The following LGSN variants were observed in gnomAD, a reference collection of about 807,000 sequenced individuals.
LGSN encodes the protein lengsin, lens protein with glutamine synthetase domain, also known as lengsin.
In LGSN, 21 loss-of-function variants were observed where a neutral mutation model predicts 19.5. The observed-to-expected ratio is 1.07, with a 90% CI of 0.76 to 1.55. The LOEUF (loss-of-function observed/expected upper bound fraction) is 1.55, where lower values mean the gene tolerates loss of function less well. Ranked by LOEUF, LGSN falls within the 40% of genes most tolerant of loss-of-function variation. The pLI, the probability that LGSN is intolerant of heterozygous loss-of-function variation, is 0.00. For missense variants in LGSN, 673 were observed against 608.5 expected, an observed-to-expected ratio of 1.11 and a Z score of -1.12; for synonymous variants, 257 against 215.6, an observed-to-expected ratio of 1.19 and a Z score of -1.68.
At chr6:63,397,668 C>G in the LGSN span, among the ~76,000 whole-genome samples, 1 of 152,018 alleles carries the variant, frequency 6.6e-6, no homozygotes, top group Non-Finnish European at 1.5e-5. Context: ...GTAATCCCAG[C>G]ACTTTGGGAG....
At chr6:63,568,937 T>C in the LGSN span, among the ~76,000 whole-genome samples, 1 of 152,292 alleles carries the variant, frequency 6.6e-6, no homozygotes, top group South Asian at 2.1e-4. Flanking sequence ...CTATTACATA[T>C]ATTTGCTAGA....
the LGSN span, among the ~76,000 whole-genome samples, chr6:63,555,129 T>C: frequency 6.6e-6 from 1 of 152,160 alleles, no homozygotes; most frequent in African/African-American, 2.4e-5. Flanking sequence ...TCATTTCTGG[T>C]AATATAAGAA....
At position 63,276,962 on chromosome 6, in the gene LGSN, A is replaced by G. The variant is rs1192016537; in HGVS notation, c.*3059T>C. ...AATGCCTCTTTTTGGGTTGCCTTAA[A>G]GAACAAGAATATACATCAGCACACA... is the stretch of plus-strand genomic sequence containing the variant. On this transcript the variant is annotated 3_prime_UTR_variant, in exon 4 of 4. Transcript: ENST00000370657. 1 of 152,246 alleles carries G rather than the reference A, an allele frequency of 6.6e-6. No homozygotes were observed. Among genetic ancestry groups the G allele is most frequent in the Non-Finnish European group, 1.5e-5 (1 of 68,038 alleles). 9.4% of individuals were successfully genotyped at this position (152,246 alleles called of 1,614,324 possible). A position where few individuals can be genotyped will look rare whatever the true frequency, so the allele number is the denominator to read the frequency against.
chr6:63,465,407 C>T, the LGSN span, among the ~76,000 whole-genome samples: 2 of 152,140 alleles, frequency 1.3e-5, no homozygotes, highest in Non-Finnish European at 2.9e-5. Flanking sequence ...GTCTCGAACT[C>T]CTGACCTCAA....
At chr6:63,321,756 A>T (rs1451566447), upstream of LGSN, among the ~76,000 whole-genome samples, 1 of 152,228 alleles carries the variant, frequency 6.6e-6, no homozygotes, top group African/African-American at 2.4e-5. Flanking sequence ...TAACAAATAG[A>T]TTAGAAAAAT....
At chr6:63,520,367 C>T in the LGSN span, among the ~76,000 whole-genome samples, 1 of 152,142 alleles carries the variant, frequency 6.6e-6, no homozygotes, top group Non-Finnish European at 1.5e-5. Context: ...TGGCTCATGC[C>T]TGTAATCCCA....
At chr6:63,331,576 T>C in the LGSN span, among the ~76,000 whole-genome samples, 449 of 152,170 alleles carry the variant, frequency 3.0e-3, 3 homozygotes, top group African/African-American at 0.01. Context: ...TGCCCAAGAA[T>C]CCACAACGGT....
chr6:63,538,419 C>T, the LGSN span, among the ~76,000 whole-genome samples: 1 of 152,070 alleles, frequency 6.6e-6, no homozygotes, highest in Non-Finnish European at 1.5e-5. Flanking sequence ...TATAAAAGAT[C>T]AATGTTGGAT....
the LGSN span, among the ~76,000 whole-genome samples, chr6:63,407,982 G>A: frequency 6.6e-6 from 1 of 152,046 alleles, no homozygotes; most frequent in Non-Finnish European, 1.5e-5. Context: ...GGGATGTGAA[G>A]GACCTCTTCA....
the LGSN span, among the ~76,000 whole-genome samples, chr6:63,547,187 A>ATTT: frequency 6.0e-5 from 8 of 133,976 alleles, no homozygotes; most frequent in Admixed American, 1.5e-4. Flanking sequence ...GTAGGGGGGA[A>ATTT]TTTTTTTTTT....
the LGSN span, among the ~76,000 whole-genome samples, chr6:63,433,173 G>A: frequency 4.0e-5 from 6 of 151,502 alleles, no homozygotes; most frequent in Non-Finnish European, 8.8e-5. Context: ...AAGTTGGGGG[G>A]GTGGTAAATA....
the LGSN span, among the ~76,000 whole-genome samples, chr6:63,514,299 C>T: frequency 6.6e-6 from 1 of 152,344 alleles, no homozygotes; most frequent in African/African-American, 2.4e-5. Context: ...ACAATCTCGG[C>T]TCACTGCAAC....
the LGSN span, among the ~76,000 whole-genome samples, chr6:63,506,267 G>A: frequency 2.0e-5 from 3 of 151,722 alleles, no homozygotes; most frequent in Non-Finnish European, 4.4e-5. Flanking sequence ...TGTTGTTGTT[G>A]TTGTTGTTGT....
chr6:63,448,272 G>A, the LGSN span, among the ~76,000 whole-genome samples: 1 of 152,126 alleles, frequency 6.6e-6, no homozygotes, highest in African/African-American at 2.4e-5. Flanking sequence ...GGCTCACCAT[G>A]TACAAAAAGG....
At chr6:63,488,924 G>C in the LGSN span, among the ~76,000 whole-genome samples, 1 of 151,662 alleles carries the variant, frequency 6.6e-6, no homozygotes, top group African/African-American at 2.4e-5. Flanking sequence ...ACCAAATAAT[G>C]TTTATCTTAA....
At chr6:63,325,915 T>C in the LGSN span, among the ~76,000 whole-genome samples, 1 of 152,216 alleles carries the variant, frequency 6.6e-6, no homozygotes, top group Non-Finnish European at 1.5e-5. Context: ...GGGTTGCCAC[T>C]GCTGGCTTGG....
At chr6:63,546,763 A>G in the LGSN span, among the ~76,000 whole-genome samples, 1 of 152,178 alleles carries the variant, frequency 6.6e-6, no homozygotes, top group African/African-American at 2.4e-5. Flanking sequence ...CTGGAGATCT[A>G]TTACCCAGCA....
the LGSN span, among the ~76,000 whole-genome samples, chr6:63,338,656 T>C: frequency 3.9e-5 from 6 of 152,276 alleles, no homozygotes; most frequent in South Asian, 1.2e-3. Context: ...CTTCATTTTA[T>C]TGATCCTTTT....
chr6:63,404,389 A>T, the LGSN span, among the ~76,000 whole-genome samples: 3 of 152,236 alleles, frequency 2.0e-5, no homozygotes, highest in Non-Finnish European at 4.4e-5. Context: ...AAAAAAATCC[A>T]GAACTAATAT....
Sources: allele counts gnomAD v4.1 joint callset (sites outside exome capture counted in the v4.1 genomes callset), GRCh38; gene constraint gnomAD v4.1.1; transcripts MANE v1.5; gene names NCBI Gene and HGNC (gene_info 2026-07-23, HGNC 2026-07-21).